Variants in GRAMD1B observed in about 807,000 individuals in gnomAD.
GRAMD1B encodes protein Aster-B.
In GRAMD1B, 37 loss-of-function variants were observed where a neutral mutation model predicts 99.7. That is an observed-to-expected ratio of 0.37 (90% CI 0.29 to 0.49). GRAMD1B has a LOEUF of 0.49. Among genes scored for constraint, GRAMD1B ranks in the 20% least tolerant of loss-of-function variants. The pLI is 0.98. For synonymous variants in GRAMD1B, 427 were observed against 387.6 expected (o/e 1.10, Z -1.19); for missense variants, 888 against 1,009.2 (o/e 0.88, Z 1.63).
intron 1 of GRAMD1B, among the ~76,000 whole-genome samples, chr11:123,393,149 TG>T (rs1289193742): frequency 2.0e-5 from 3 of 152,192 alleles, no homozygotes; most frequent in African/African-American, 7.2e-5. Flanking sequence ...TAGTCAGGCC[TG>T]GGTATTTTAC....
At chr11:123,506,750 C>T (rs1940476105) in intron 2 of GRAMD1B, among the ~76,000 whole-genome samples, 1 of 150,236 alleles carries the variant, frequency 6.7e-6, no homozygotes, top group Admixed American at 6.6e-5. Context: ...TAGTACCCCT[C>T]CCCCTCTCTC....
chr11:123,424,601 G>T (rs1203391709), intron 1 of GRAMD1B, among the ~76,000 whole-genome samples: 2 of 152,100 alleles, frequency 1.3e-5, no homozygotes, highest in African/African-American at 2.4e-5. Flanking sequence ...AAACCTCTTT[G>T]TGAGTTTTCA....
At chr11:123,579,636 T>G (rs1339823232) in intron 3 of GRAMD1B, among the ~76,000 whole-genome samples, 2 of 151,954 alleles carry the variant, frequency 1.3e-5, no homozygotes, top group African/African-American at 4.8e-5. Context: ...GTGGGACTAG[T>G]GGGTGCTCGA....
chr11:123,556,932 C>T (rs1432112503), intron 2 of GRAMD1B, among the ~76,000 whole-genome samples: 1 of 152,072 alleles, frequency 6.6e-6, no homozygotes, highest in African/African-American at 2.4e-5. Flanking sequence ...ACAAAAAGGC[C>T]CATGCCTTCC....
At chr11:123,454,669 C>T (rs1432118005) in intron 1 of GRAMD1B, 1 of 152,202 alleles carries the variant, frequency 6.6e-6, no homozygotes, top group Non-Finnish European at 1.5e-5. Context: ...CCACCAGGCT[C>T]TGCGGAGGGC....
At chr11:123,463,472 T>G (rs1278919781) in intron 1 of GRAMD1B, among the ~76,000 whole-genome samples, 1 of 152,216 alleles carries the variant, frequency 6.6e-6, no homozygotes, top group Non-Finnish European at 1.5e-5. Flanking sequence ...AACATATTAG[T>G]ATGCAGTATC....
At chr11:123,366,275 G>A (rs10893030) in intron 1 of GRAMD1B, among the ~76,000 whole-genome samples, 51,473 of 152,188 alleles carry the variant, frequency 0.34, 14,114 homozygotes, top group African/African-American at 0.77. Context: ...TTGGCTTGTC[G>A]AAAAGCAGGA....
chr11:123,518,547 A>G (rs1941895090), intron 2 of GRAMD1B, among the ~76,000 whole-genome samples: 1 of 152,140 alleles, frequency 6.6e-6, no homozygotes, highest in African/African-American at 2.4e-5. Context: ...TGTGATTCTC[A>G]GATACGGTGT....
chr11:123,605,827 G>A (rs1412013564), intron 10 of GRAMD1B, among the ~76,000 whole-genome samples: 2 of 152,208 alleles, frequency 1.3e-5, no homozygotes, highest in Non-Finnish European at 2.9e-5. Context: ...AGTCATGCAT[G>A]AATATAGAAC....
At chr11:123,545,717 A>C (rs1357761630) in intron 2 of GRAMD1B, among the ~76,000 whole-genome samples, 1 of 150,758 alleles carries the variant, frequency 6.6e-6, no homozygotes, top group Non-Finnish European at 1.5e-5. Context: ...CTCATTGATA[A>C]GAGTATTATG....
At chr11:123,509,512 T>C (rs1940764684) in intron 2 of GRAMD1B, among the ~76,000 whole-genome samples, 2 of 152,246 alleles carry the variant, frequency 1.3e-5, no homozygotes, top group African/African-American at 4.8e-5. Flanking sequence ...AGCAGGTCAG[T>C]GGTTCACCAG....
chr11:123,572,921 G>A (rs1948292299), intron 2 of GRAMD1B, among the ~76,000 whole-genome samples: 1 of 151,300 alleles, frequency 6.6e-6, no homozygotes, highest in Non-Finnish European at 1.5e-5. Flanking sequence ...GGCTGAGGCA[G>A]AGGCACAAAG....
At chr11:123,613,742 T>G in intron 16 of GRAMD1B, 84 bp downstream of exon 16, 3 of 915,032 alleles carry the variant, frequency 3.3e-6, no homozygotes, top group Non-Finnish European at 5.1e-6. Context: ...ACATGCACAC[T>G]CATTTTGCAC....
chr11:123,482,219 C>G (rs920465448), intron 2 of GRAMD1B, among the ~76,000 whole-genome samples: 3 of 152,074 alleles, frequency 2.0e-5, no homozygotes, highest in South Asian at 2.1e-4. Flanking sequence ...CCACCTCAGC[C>G]TCCGGAGTAA....
intron 2 of GRAMD1B, among the ~76,000 whole-genome samples, chr11:123,556,775 T>C (rs1946226939): frequency 6.6e-6 from 1 of 152,158 alleles, no homozygotes; most frequent in South Asian, 2.1e-4. Context: ...TAAGTTCCGT[T>C]TGTGGAAGTC....
At chr11:123,439,028 C>T (rs1949288875) in intron 1 of GRAMD1B, among the ~76,000 whole-genome samples, 1 of 152,104 alleles carries the variant, frequency 6.6e-6, no homozygotes, top group African/African-American at 2.4e-5. Flanking sequence ...GGGCATTTGC[C>T]CCAATGGGAT....
rs138357899 is a variant in GRAMD1B, at chr11:123,528,688, G to A, written c.452+47795G>A. On this transcript the variant is annotated intron_variant, in intron 2 of 19. Coordinates refer to ENST00000635736, the MANE Select transcript of GRAMD1B (RefSeq NM_001387025.1). ...TCTGTGTAATGCCGTGCTAGACACCGGCTTTTTTTTTTATGTTCTGTTGTC... is the reference window on the plus strand; with the variant it reads ...TCTGTGTAATGCCGTGCTAGACACCAGCTTTTTTTTTTATGTTCTGTTGTC... 6.2e-4 allele frequency among the ~76,000 whole-genome samples: 94 copies of A among 152,050 alleles called. No homozygotes were observed. In the Middle Eastern group the frequency reaches 0.01, roughly 17 times the overall value.
chr11:123,358,973 G>C (rs889337893), intron 1 of GRAMD1B, among the ~76,000 whole-genome samples: 6 of 152,152 alleles, frequency 3.9e-5, no homozygotes, highest in Non-Finnish European at 8.8e-5. Flanking sequence ...GCCAGGTAAA[G>C]CTATTAACAT....
Position 123,430,776 on chromosome 11 carries a change from C to T in GRAMD1B, c.-17C>T. 1 of 662,812 alleles carries T rather than the reference C, an allele frequency of 1.5e-6. No homozygotes were observed. Among genetic ancestry groups the T allele is most frequent in the Non-Finnish European group, 2.7e-6 (1 of 367,964 alleles). 41.1% of individuals were successfully genotyped at this position (662,812 alleles called of 1,614,324 possible). A position where few individuals can be genotyped will look rare whatever the true frequency, so the allele number is the denominator to read the frequency against. On this transcript the variant is annotated 5_prime_UTR_variant, in exon 1 of 20. Coordinates refer to ENST00000635736, the MANE Select transcript of GRAMD1B (RefSeq NM_001387025.1). ...GCTGGCGGAGGGCTCAGGGGGAGCG[C>T]AGAGGCGACGGCCCCCATGCCGGCG...
Sources: gnomAD v4.1 joint callset for allele counts (sites outside exome capture counted in the v4.1 genomes callset) on GRCh38, gnomAD v4.1.1 for gene constraint, MANE v1.5 for transcripts, NCBI Gene and HGNC (gene_info 2026-07-23, HGNC 2026-07-21) for gene names.